CNTN1: variants seen among roughly 807,000 people sequenced by gnomAD.
CNTN1 encodes contactin 1.
Under a neutral mutation model 126.4 loss-of-function variants are expected in CNTN1, and 38 were observed. The ratio of observed to expected loss-of-function variants is 0.30; its 90% confidence interval spans 0.23 to 0.39. The LOEUF is 0.39. CNTN1 is among the 10% of genes least tolerant of loss of function. The pLI is 1.00. For missense variants in CNTN1, 1,009 were observed against 1,248.4 expected (o/e 0.81, Z 2.89); for synonymous variants, 413 against 422.6 (o/e 0.98, Z 0.28).
chr12:40,754,759 C>CT (rs1397809251), intron 1 of CNTN1, among the ~76,000 whole-genome samples: 2 of 151,990 alleles, frequency 1.3e-5, no homozygotes, highest in Non-Finnish European at 2.9e-5. Context: ...TACCTGTATT[C>CT]TTTTTTGCTT....
chr12:41,050,895 C>T (rs1295881060), intron 23 of CNTN1, among the ~76,000 whole-genome samples: 1 of 152,052 alleles, frequency 6.6e-6, no homozygotes, highest in Non-Finnish European at 1.5e-5. Flanking sequence ...AATTTTAATA[C>T]CAAAAATCTA....
intron 1 of CNTN1, among the ~76,000 whole-genome samples, chr12:40,758,777 ATCTGAAGGAAAGAGAC>A (rs752490218): frequency 5.9e-5 from 9 of 152,170 alleles, no homozygotes; most frequent in Non-Finnish European, 1.3e-4. Context: ...CAAAAAACAA[ATCTGAAGGAAAGAGAC>A]TTTATTCCAG....
At chr12:40,866,077 A>G (rs1423289614) in intron 1 of CNTN1, among the ~76,000 whole-genome samples, 2 of 151,708 alleles carry the variant, frequency 1.3e-5, no homozygotes, top group Non-Finnish European at 2.9e-5. Context: ...TCTTGGTGCT[A>G]TTGTAAATTT....
chr12:41,007,717 T>C (rs1181604464), intron 17 of CNTN1, among the ~76,000 whole-genome samples: 1 of 152,216 alleles, frequency 6.6e-6, no homozygotes, highest in African/African-American at 2.4e-5. Context: ...TGTCCCACTC[T>C]AATGTTAGCA....
rs550363790 is a variant in CNTN1 at position 40,734,823 on chromosome 12, A to G, written c.-77+42231A>G. Among the ~76,000 whole-genome samples, 81 of 152,222 alleles carry G rather than the reference A, an allele frequency of 5.3e-4. 2 individuals carry two copies. The South Asian group carries it at 0.016, about 30-fold the overall frequency. ...TTGTATTTACAAATGGAGAACCAAC[A>G]TCTGGGTCAGGAAACCTTGAAGGAA... On this transcript the variant is annotated intron_variant, in intron 1 of 23. Coordinates refer to ENST00000551295, the MANE Select transcript of CNTN1 (RefSeq NM_001843.4).
intron 1 of CNTN1, among the ~76,000 whole-genome samples, chr12:40,703,410 C>CA (rs1329642893): frequency 6.6e-6 from 1 of 152,094 alleles, no homozygotes; most frequent in Non-Finnish European, 1.5e-5. Flanking sequence ...TACAGCTTTT[C>CA]AATGGATAAA....
At chr12:41,052,796 T>C (rs1434948037) in intron 23 of CNTN1, among the ~76,000 whole-genome samples, 1 of 152,052 alleles carries the variant, frequency 6.6e-6, no homozygotes, top group African/African-American at 2.4e-5. Flanking sequence ...AGAACATTTA[T>C]TTATCCTCAA....
intron 15 of CNTN1, among the ~76,000 whole-genome samples, chr12:40,976,146 T>C (rs965522603): frequency 3.9e-5 from 6 of 152,202 alleles, no homozygotes; most frequent in African/African-American, 1.4e-4. Flanking sequence ...CCAATATTAA[T>C]GTTAGTGAGA....
chr12:40,968,223 C>T (rs1337375244), intron 15 of CNTN1, among the ~76,000 whole-genome samples: 1 of 152,092 alleles, frequency 6.6e-6, no homozygotes, highest in Non-Finnish European at 1.5e-5. Flanking sequence ...AAACTTAATT[C>T]AAATATATTC....
intron 1 of CNTN1, among the ~76,000 whole-genome samples, chr12:40,721,561 A>G (rs909017558): frequency 6.6e-6 from 1 of 151,416 alleles, no homozygotes; most frequent in African/African-American, 2.4e-5. Flanking sequence ...TATTATTATT[A>G]TTATTATACT....
At chr12:41,000,593 TA>T (rs1304718622) in intron 17 of CNTN1, among the ~76,000 whole-genome samples, 2 of 151,514 alleles carry the variant, frequency 1.3e-5, no homozygotes, top group African/African-American at 2.4e-5. Context: ...ATATTATTAA[TA>T]ATTTCTCTAT....
intron 1 of CNTN1, among the ~76,000 whole-genome samples, chr12:40,838,910 A>G (rs1942175022): frequency 6.6e-6 from 1 of 152,212 alleles, no homozygotes; most frequent in Non-Finnish European, 1.5e-5. Flanking sequence ...ATTCTCTAGT[A>G]ATAGATCTTA....
intron 1 of CNTN1, among the ~76,000 whole-genome samples, chr12:40,870,044 G>A (rs1337657587): frequency 6.6e-6 from 1 of 152,086 alleles, no homozygotes; most frequent in Non-Finnish European, 1.5e-5. Context: ...AAGATCTGAT[G>A]GTTTCAAAAG....
At chr12:40,781,152 T>G (rs1015345473) in intron 1 of CNTN1, among the ~76,000 whole-genome samples, 1 of 151,958 alleles carries the variant, frequency 6.6e-6, no homozygotes, top group East Asian at 1.9e-4. Context: ...TCTTGGGACA[T>G]AAGCTATGAC....
intron 15 of CNTN1, among the ~76,000 whole-genome samples, chr12:40,976,492 T>C (rs1947676527): frequency 6.6e-6 from 1 of 151,318 alleles, no homozygotes. Context: ...ACATTTTCCC[T>C]GGTTTCCTGA....
rs777069796 is a variant in CNTN1, at chr12:40,959,149, G to A, written c.1719G>A (p.Ala573=). 1.4e-5 allele frequency: 22 copies of A among 1,612,490 alleles called. No homozygotes were observed. The highest frequency in any genetic ancestry group is 1.6e-4 in the Middle Eastern group (1 of 6,074). The change falls in exon 15 of 24, where the codon GCG becomes GCA. Residue 573 remains alanine, a synonymous_variant. Transcript: ENST00000551295. The part of the protein sequence containing the change: ...DSNGELLIRN[A]QLKHAGRYTC... Reference sequence around the variant, plus strand: ...ATGGGGAATTACTAATCCGAAATGCGCAGCTGAAACATGCTGGAAGATACA... The same window carrying A: ...ATGGGGAATTACTAATCCGAAATGCACAGCTGAAACATGCTGGAAGATACA...
At chr12:41,014,728 G>C (rs933416010) in intron 18 of CNTN1, among the ~76,000 whole-genome samples, 1 of 152,154 alleles carries the variant, frequency 6.6e-6, no homozygotes, top group East Asian at 1.9e-4. Flanking sequence ...GTGTAATCTA[G>C]CATGATAGGT....
intron 1 of CNTN1, among the ~76,000 whole-genome samples, chr12:40,693,577 GA>G (rs1250528330): frequency 2.6e-5 from 4 of 152,224 alleles, no homozygotes; most frequent in Non-Finnish European, 5.9e-5. Context: ...GGGATGATGG[GA>G]AAGAGGGAAA....
intron 1 of CNTN1, among the ~76,000 whole-genome samples, chr12:40,840,607 C>T (rs889903122): frequency 2.0e-5 from 3 of 148,272 alleles, no homozygotes; most frequent in African/African-American, 7.4e-5. Flanking sequence ...AAACAAGTCT[C>T]ATCAATTTTT....
Sources: gnomAD v4.1 joint callset for allele counts (sites outside exome capture counted in the v4.1 genomes callset) on GRCh38, gnomAD v4.1.1 for gene constraint, MANE v1.5 for transcripts, NCBI Gene and HGNC (gene_info 2026-07-23, HGNC 2026-07-21) for gene names.